The following TATDN1 variants were observed in gnomAD, a reference collection of about 807,000 sequenced individuals.
TATDN1 encodes the protein deoxyribonuclease TATDN1.
A neutral mutation model predicts 46.4 loss-of-function variants in TATDN1; 40 were observed. The observed-to-expected ratio is 0.86, with a 90% confidence interval of 0.67 to 1.12. TATDN1 has a LOEUF of 1.12. Ranked by LOEUF, TATDN1 falls within the 50% of genes most tolerant of loss-of-function variation. TATDN1 has a pLI of 0.00. For missense variants in TATDN1, 326 were observed against 348.4 expected, an observed-to-expected ratio of 0.94 and a Z score of 0.51; for synonymous variants, 95 against 105.6, an observed-to-expected ratio of 0.90 and a Z score of 0.62.
At chr8:124,497,585 C>G (rs1239910961) in intron 9 of TATDN1, among the ~76,000 whole-genome samples, 4 of 152,172 alleles carry the variant, frequency 2.6e-5, no homozygotes, top group Non-Finnish European at 5.9e-5. Context: ...CCGTGACCAG[C>G]CTGCTCTCTT....
At chr8:124,532,577 C>A (rs1023143452) in intron 1 of TATDN1, among the ~76,000 whole-genome samples, 9 of 152,230 alleles carry the variant, frequency 5.9e-5, no homozygotes, top group African/African-American at 2.2e-4. Flanking sequence ...AGCCACTGCA[C>A]CTGGCCTAGT....
intron 9 of TATDN1, among the ~76,000 whole-genome samples, chr8:124,500,925 A>G (rs1171868817): frequency 6.6e-6 from 1 of 152,218 alleles, no homozygotes; most frequent in East Asian, 1.9e-4. Flanking sequence ...GCCTGGAAAG[A>G]AAGACAAACA....
chr8:124,526,123 T>A (rs1046761928), intron 1 of TATDN1, among the ~76,000 whole-genome samples: 2 of 152,230 alleles, frequency 1.3e-5, no homozygotes, highest in African/African-American at 2.4e-5. Flanking sequence ...TAACCAATGT[T>A]ATTTCTGTAA....
At chr8:124,532,564 G>A (rs533551707) in intron 1 of TATDN1, among the ~76,000 whole-genome samples, 7 of 152,340 alleles carry the variant, frequency 4.6e-5, no homozygotes, top group East Asian at 1.9e-4. Flanking sequence ...GATTACAGGC[G>A]TGAGCCACTG....
At chr8:124,510,320 T>C (rs959197868) in intron 6 of TATDN1, among the ~76,000 whole-genome samples, 2 of 152,132 alleles carry the variant, frequency 1.3e-5, no homozygotes, top group African/African-American at 4.8e-5. Flanking sequence ...CACTAGTCAT[T>C]ATGTCAACTT....
intron 4 of TATDN1, among the ~76,000 whole-genome samples, chr8:124,517,873 G>A (rs1011640393): frequency 1.3e-5 from 2 of 152,028 alleles, no homozygotes; most frequent in Non-Finnish European, 2.9e-5. Flanking sequence ...AAAGCAACTC[G>A]TATCTTAAAC....
chr8:124,501,418 T>C (rs1817952214), intron 9 of TATDN1, among the ~76,000 whole-genome samples: 1 of 152,128 alleles, frequency 6.6e-6, no homozygotes, highest in African/African-American at 2.4e-5. Flanking sequence ...TGGCTTTTTT[T>C]TTTCTTTTTT....
chr8:124,493,675 A>G (rs938605554), intron 11 of TATDN1, 158 bp downstream of exon 11: 1 of 724,160 alleles, frequency 1.4e-6, no homozygotes, highest in East Asian at 2.8e-5. Flanking sequence ...TAAACCAGGT[A>G]TGCAAATTCC....
In TATDN1 at chr8:124,532,476, G is replaced by C. The variant is rs1276847748; in HGVS notation, c.22+6549C>G. On this transcript the variant is annotated intron_variant, in intron 1 of 11. Coordinates refer to ENST00000276692, the MANE Select transcript of TATDN1 (RefSeq NM_032026.4). ...TTTTTGTGTTTTTTATAGAGACGAG[G>C]TTTCACCATGTTGGTCAGGCTGGTC... Among the ~76,000 whole-genome samples the C allele has an allele frequency of 2.0e-5, 3 of 152,238 alleles. 1 individual carries two copies. Among genetic ancestry groups the C allele is most frequent in the Middle Eastern group, 3.4e-3 (1 of 294 alleles).
intron 1 of TATDN1, among the ~76,000 whole-genome samples, chr8:124,533,690 A>G (rs1209234236): frequency 1.3e-5 from 2 of 151,824 alleles, no homozygotes; most frequent in Admixed American, 6.6e-5. Context: ...ACCAGGACCA[A>G]CCCCTCATCT....
At chr8:124,518,760 A>T in intron 4 of TATDN1, 58 bp downstream of exon 4, 1 of 1,289,208 alleles carries the variant, frequency 7.8e-7, no homozygotes, top group Non-Finnish European at 1.1e-6. Flanking sequence ...GTTTTCAGAA[A>T]GACTTCTTCA....
At chr8:124,525,885 C>A (rs147024911) in intron 1 of TATDN1, among the ~76,000 whole-genome samples, 11 of 152,272 alleles carry the variant, frequency 7.2e-5, no homozygotes, top group African/African-American at 2.6e-4. Context: ...ATGTTCTTAT[C>A]TATGTTAAGG....
chr8:124,515,868 A>C lies in TATDN1; in HGVS notation c.346+19T>G. 1 of 1,613,854 alleles carries C rather than the reference A, an allele frequency of 6.2e-7. No individual in the cohort carries two copies. The highest frequency in any genetic ancestry group is 2.2e-5 in the East Asian group (1 of 44,858). On this transcript the variant is annotated intron_variant, in intron 5 of 11. Transcript: ENST00000276692. ...TATTTTCAAACAATGTCACTCTAAG[A>C]GGCGAGGCTGGCACTCACCAAGTCC...
intron 8 of TATDN1, among the ~76,000 whole-genome samples, chr8:124,505,960 G>C (rs1818370616): frequency 6.6e-6 from 1 of 151,528 alleles, no homozygotes; most frequent in Non-Finnish European, 1.5e-5. Context: ...TTTCTTTTTT[G>C]GTAAAAGTCA....
chr8:124,517,596 T>C (rs1394041806), intron 4 of TATDN1, among the ~76,000 whole-genome samples: 2 of 152,238 alleles, frequency 1.3e-5, no homozygotes, highest in South Asian at 2.1e-4. Flanking sequence ...AATTCCTCAG[T>C]GTCTAGCACG....
chr8:124,530,299 A>G (rs1410816435), intron 1 of TATDN1, among the ~76,000 whole-genome samples: 2 of 152,230 alleles, frequency 1.3e-5, no homozygotes, highest in Non-Finnish European at 2.9e-5. Context: ...AGTCAGTGAC[A>G]GATATTACCA....
At chr8:124,520,430 C>T (rs1229933913) in intron 3 of TATDN1, among the ~76,000 whole-genome samples, 3 of 149,476 alleles carry the variant, frequency 2.0e-5, no homozygotes, top group East Asian at 3.9e-4. Context: ...GAGCGAGACT[C>T]GCCTCCAGAA....
At chr8:124,536,441 G>T (rs1821433734) in intron 1 of TATDN1, among the ~76,000 whole-genome samples, 1 of 152,146 alleles carries the variant, frequency 6.6e-6, no homozygotes, top group Admixed American at 6.6e-5. Context: ...CAGCTACTTG[G>T]GAGGATGAGG....
At position 124,513,203 on chromosome 8, in the gene TATDN1, G is replaced by A. The variant is rs554366700; in HGVS notation, c.389+2543C>T. Among the ~76,000 whole-genome samples the A allele has an allele frequency of 4.6e-5, 7 of 152,122 alleles. No individual in the cohort carries two copies. The East Asian group carries it at 5.8e-4, about 13-fold the overall frequency. On this transcript the variant is annotated intron_variant, in intron 6 of 11. Coordinates refer to ENST00000276692, the MANE Select transcript of TATDN1 (RefSeq NM_032026.4). ...GCTGGAATTATAGGCATGAACCACC[G>A]CACCCGGCTGTTTTTTTAACCAAGT...
Sources: gnomAD v4.1 joint callset for allele counts (sites outside exome capture counted in the v4.1 genomes callset) on GRCh38, gnomAD v4.1.1 for gene constraint, MANE v1.5 for transcripts, NCBI Gene and HGNC (gene_info 2026-07-23, HGNC 2026-07-21) for gene names.